RBFOX1: variants seen among roughly 807,000 people sequenced by gnomAD.
The protein encoded by RBFOX1 is RNA binding protein fox-1 homolog 1.
In RBFOX1, 8 loss-of-function variants were observed where a neutral mutation model predicts 57.7. The ratio of observed to expected loss-of-function variants is 0.14; its 90% CI spans 0.08 to 0.25. RBFOX1 has a LOEUF of 0.25. Among genes scored for constraint, RBFOX1 ranks in the 10% least tolerant of loss-of-function variants. RBFOX1 has a pLI of 1.00. For synonymous variants in RBFOX1, 326 were observed against 222.4 expected (o/e 1.47, Z -4.15); for missense variants, 611 against 548.5 (o/e 1.11, Z -1.14).
intron 4 of RBFOX1, among the ~76,000 whole-genome samples, chr16:7,493,790 T>C (rs2191390): frequency 6.6e-6 from 1 of 151,948 alleles, no homozygotes; most frequent in African/African-American, 2.4e-5. Context: ...TAAAAGAGAA[T>C]ATGTTTGCAT....
intron 2 of RBFOX1, among the ~76,000 whole-genome samples, chr16:6,557,141 A>G (rs1051741309): frequency 8.3e-5 from 12 of 145,436 alleles, no homozygotes; most frequent in African/African-American, 2.6e-4. Context: ...ACATATATAC[A>G]TATATACACA....
At chr16:6,983,455 T>G (rs1021601799) in intron 3 of RBFOX1, among the ~76,000 whole-genome samples, 1 of 151,956 alleles carries the variant, frequency 6.6e-6, no homozygotes, top group Non-Finnish European at 1.5e-5. Context: ...TGGCTTTTTT[T>G]TTTTTTAATA....
intron 2 of RBFOX1, among the ~76,000 whole-genome samples, chr16:6,438,776 G>C (rs961620126): frequency 5.3e-5 from 8 of 152,050 alleles, no homozygotes; most frequent in Non-Finnish European, 8.8e-5. Flanking sequence ...TGGTTACTGA[G>C]ACATGCATAA....
chr16:5,904,618 C>T (rs1449980286), intron 4 of RBFOX1, among the ~76,000 whole-genome samples: 1 of 152,002 alleles, frequency 6.6e-6, no homozygotes, highest in Non-Finnish European at 1.5e-5. Flanking sequence ...GAAAAGACTT[C>T]TATGTTGAGG....
At chr16:6,904,969 C>T (rs2069459324) in intron 3 of RBFOX1, among the ~76,000 whole-genome samples, 1 of 152,152 alleles carries the variant, frequency 6.6e-6, no homozygotes, top group African/African-American at 2.4e-5. Flanking sequence ...GATGAAGCCT[C>T]CCTGGCAGCC....
intron 3 of RBFOX1, among the ~76,000 whole-genome samples, chr16:7,045,640 T>A (rs1343032153): frequency 1.3e-5 from 2 of 150,516 alleles, no homozygotes; most frequent in African/African-American, 5.0e-5. Flanking sequence ...AAAATATTAA[T>A]CTTGTTATAT....
At chr16:7,580,558 G>T (rs1004725714) in intron 6 of RBFOX1, among the ~76,000 whole-genome samples, 1 of 152,186 alleles carries the variant, frequency 6.6e-6, no homozygotes, top group African/African-American at 2.4e-5. Context: ...GGTGCTATAT[G>T]CCATGAAGTG....
At chr16:6,494,413 C>T (rs2095710037) in intron 2 of RBFOX1, among the ~76,000 whole-genome samples, 1 of 152,150 alleles carries the variant, frequency 6.6e-6, no homozygotes, top group Non-Finnish European at 1.5e-5. Flanking sequence ...CATGAATCTG[C>T]CTTCCATTTG....
At chr16:7,371,513 G>T (rs948296145) in intron 4 of RBFOX1, among the ~76,000 whole-genome samples, 5 of 152,222 alleles carry the variant, frequency 3.3e-5, no homozygotes, top group Non-Finnish European at 7.3e-5. Flanking sequence ...ACTCTGGGAG[G>T]ATGAGGCAGG....
At chr16:7,349,251 T>C (rs17143484) in intron 4 of RBFOX1, among the ~76,000 whole-genome samples, 30,137 of 152,006 alleles carry the variant, frequency 0.2, 4,826 homozygotes, top group African/African-American at 0.45. Flanking sequence ...CTATCACAAG[T>C]GGAGACTGGG....
In RBFOX1 at chr16:6,584,299, C is replaced by T. The variant is rs531430997; in HGVS notation, c.-63-70304C>T. Among the ~76,000 whole-genome samples the T allele has an allele frequency of 2.0e-5, 3 of 150,746 alleles. No homozygotes were observed. In the East Asian group the frequency reaches 5.9e-4, roughly 29 times the overall value. On this transcript the variant is annotated intron_variant, in intron 2 of 15. Coordinates refer to ENST00000550418, the MANE Select transcript of RBFOX1 (RefSeq NM_018723.4). ...TATTTGGAGCTCAGTGAGTTAGGAA[C>T]TAGAAGAGCAGAGAACAGCAGAAAA... is the stretch of plus-strand genomic sequence containing the variant.
At chr16:5,774,718 T>A (rs1420960290) in intron 3 of RBFOX1, among the ~76,000 whole-genome samples, 1 of 152,178 alleles carries the variant, frequency 6.6e-6, no homozygotes, top group African/African-American at 2.4e-5. Flanking sequence ...AGTCTCACTC[T>A]CTCGCCCAGA....
chr16:5,897,853 CA>C (rs1309686092), intron 4 of RBFOX1, among the ~76,000 whole-genome samples: 1 of 143,702 alleles, frequency 7.0e-6, no homozygotes, highest in African/African-American at 2.6e-5. Context: ...TTTTTTTGAG[CA>C]GACTAGTTTC....
At chr16:7,345,121 G>C (rs2096970628) in intron 4 of RBFOX1, among the ~76,000 whole-genome samples, 1 of 152,138 alleles carries the variant, frequency 6.6e-6, no homozygotes, top group South Asian at 2.1e-4. Flanking sequence ...GTTGAAACCT[G>C]GAAATACACT....
intron 2 of RBFOX1, among the ~76,000 whole-genome samples, chr16:6,385,617 C>G (rs930736550): frequency 1.3e-5 from 2 of 152,240 alleles, no homozygotes; most frequent in Non-Finnish European, 2.9e-5. Flanking sequence ...GCCTCGGCCT[C>G]CCGATGTGCT....
chr16:7,034,841 CTTTTTTCTTTTT>C, intron 3 of RBFOX1, among the ~76,000 whole-genome samples: 2 of 39,160 alleles, frequency 5.1e-5, no homozygotes, highest in African/African-American at 2.4e-4. Context: ...TTTTTTTTTT[CTTTTTTCTTTTT>C]TTTTTTTTTT....
intron 4 of RBFOX1, among the ~76,000 whole-genome samples, chr16:7,359,370 A>G (rs546489801): frequency 6.7e-6 from 1 of 150,084 alleles, no homozygotes; most frequent in East Asian, 1.9e-4. Flanking sequence ...TTGTGTGTAT[A>G]TCTGTGTATA....
intron 2 of RBFOX1, among the ~76,000 whole-genome samples, chr16:6,643,138 C>T (rs192953699): frequency 5.9e-5 from 9 of 152,278 alleles, no homozygotes; most frequent in Admixed American, 2.0e-4. Context: ...GTAATTAAAA[C>T]ATGCAGTCAT....
chr16:6,263,637 G>C (rs1190468907), intron 1 of RBFOX1, among the ~76,000 whole-genome samples: 2 of 152,140 alleles, frequency 1.3e-5, no homozygotes, highest in South Asian at 2.1e-4. Context: ...TTGGAGCTTA[G>C]AGCTTCTGCT....
Sources: allele counts gnomAD v4.1 joint callset (sites outside exome capture counted in the v4.1 genomes callset), GRCh38; gene constraint gnomAD v4.1.1; transcripts MANE v1.5; gene names NCBI Gene and HGNC (gene_info 2026-07-23, HGNC 2026-07-21).